CIMIP7: variants seen among roughly 807,000 people sequenced by gnomAD.
CIMIP7 encodes ciliary microtubule inner protein 7.
the CIMIP7 span, chr3:49,190,170 A>C: frequency 1.1e-4 from 159 of 1,490,002 alleles, no homozygotes; most frequent in Non-Finnish European, 1.3e-4. Context: ...GATAAAACTC[A>C]CTCAAATCTC....
At chr3:49,185,272 A>G in the CIMIP7 span, among the ~76,000 whole-genome samples, 1 of 151,196 alleles carries the variant, frequency 6.6e-6, no homozygotes, top group Non-Finnish European at 1.5e-5. Flanking sequence ...AAGAAAAAAA[A>G]AAATTACATA....
the CIMIP7 span, among the ~76,000 whole-genome samples, chr3:49,182,095 G>A: frequency 6.6e-6 from 1 of 152,188 alleles, no homozygotes; most frequent in Non-Finnish European, 1.5e-5. Flanking sequence ...AGACCTTCGT[G>A]GTGAGTGTTA....
the CIMIP7 span, among the ~76,000 whole-genome samples, chr3:49,178,717 G>A: frequency 6.6e-6 from 1 of 152,092 alleles, no homozygotes; most frequent in Non-Finnish European, 1.5e-5. Context: ...CTTCAGTCCT[G>A]GGATATCTCA....
the CIMIP7 span, chr3:49,189,995 AC>A: frequency 6.5e-7 from 1 of 1,546,900 alleles, no homozygotes; most frequent in Non-Finnish European, 8.9e-7. Flanking sequence ...TGGTCTAGTC[AC>A]CCCCGCTGCC....
At chr3:49,181,975 G>A in the CIMIP7 span, among the ~76,000 whole-genome samples, 74 of 152,276 alleles carry the variant, frequency 4.9e-4, no homozygotes, top group African/African-American at 1.8e-3. Context: ...GCTCAGGAGT[G>A]AAGCTGCAGA....
chr3:49,177,841 T>C, the CIMIP7 span: 4 of 1,613,168 alleles, frequency 2.5e-6, no homozygotes, highest in Admixed American at 1.7e-5. Context: ...GGTCCTGGTA[T>C]GGGAAGGCTG....
chr3:49,190,663 A>T, the CIMIP7 span, among the ~76,000 whole-genome samples: 2 of 99,992 alleles, frequency 2.0e-5, no homozygotes, highest in African/African-American at 4.1e-5. Flanking sequence ...GCCAGGCTGA[A>T]TTTTTTTTTT....
the CIMIP7 span, among the ~76,000 whole-genome samples, chr3:49,190,747 C>A: frequency 2.7e-5 from 4 of 147,870 alleles, no homozygotes; most frequent in African/African-American, 1.0e-4. Context: ...TGGTTCACTG[C>A]AACCTCTGCC....
At chr3:49,182,810 C>T in the CIMIP7 span, among the ~76,000 whole-genome samples, 11 of 152,180 alleles carry the variant, frequency 7.2e-5, no homozygotes, top group South Asian at 2.1e-4. Context: ...AGCCCTGCCC[C>T]GCGGGAAGGC....
the CIMIP7 span, chr3:49,189,781 C>CCCGG: frequency 1.6e-6 from 1 of 635,824 alleles, no homozygotes; most frequent in Non-Finnish European, 3.0e-6. Context: ...AGCTACCCAC[C>CCCGG]CCGGCTAGGC....
chr3:49,179,746 CAT>C, the CIMIP7 span, among the ~76,000 whole-genome samples: 1 of 152,220 alleles, frequency 6.6e-6, no homozygotes, highest in Non-Finnish European at 1.5e-5. Flanking sequence ...CGCCATTAAA[CAT>C]AAGCTGCTTG....
At chr3:49,191,169 C>T in the CIMIP7 span, among the ~76,000 whole-genome samples, 1 of 152,186 alleles carries the variant, frequency 6.6e-6, no homozygotes, top group East Asian at 1.9e-4. Context: ...AATTATAACA[C>T]TGAGCAGAAG....
chr3:49,183,231 A>G, the CIMIP7 span, among the ~76,000 whole-genome samples: 10 of 152,342 alleles, frequency 6.6e-5, no homozygotes, highest in East Asian at 1.9e-3. Flanking sequence ...AACCACAATA[A>G]GATATCACTA....
At chr3:49,177,965 A>G in the CIMIP7 span, 2 of 1,613,574 alleles carry the variant, frequency 1.2e-6, no homozygotes, top group South Asian at 1.1e-5. Context: ...TCTATCTCAC[A>G]GGGTGCCCAG....
chr3:49,186,821 C>T, the CIMIP7 span, among the ~76,000 whole-genome samples: 1 of 152,176 alleles, frequency 6.6e-6, no homozygotes, highest in Admixed American at 6.6e-5. Context: ...TGTCAATGTC[C>T]TTGTTGTGAT....
chr3:49,184,965 AGATT>A, the CIMIP7 span, among the ~76,000 whole-genome samples: 1 of 151,654 alleles, frequency 6.6e-6, no homozygotes, highest in Non-Finnish European at 1.5e-5. Context: ...TAGAAATGGA[AGATT>A]GATTGATTTA....
the CIMIP7 span, among the ~76,000 whole-genome samples, chr3:49,182,214 C>A: frequency 2.0e-5 from 3 of 152,210 alleles, no homozygotes; most frequent in African/African-American, 7.2e-5. Flanking sequence ...AGCGGGTTGC[C>A]ACTGCTGGCT....
the CIMIP7 span, among the ~76,000 whole-genome samples, chr3:49,183,341 T>C: frequency 6.6e-6 from 1 of 152,326 alleles, no homozygotes; most frequent in African/African-American, 2.4e-5. Flanking sequence ...GGTAGGAATA[T>C]AAAGTGGTAA....
At chr3:49,191,576 C>G in the CIMIP7 span, 1 of 749,056 alleles carries the variant, frequency 1.3e-6, no homozygotes, top group Non-Finnish European at 2.4e-6. Flanking sequence ...GAAGACTAGG[C>G]AGCCTCCAGG....
Sources: gnomAD v4.1 joint callset for allele counts (sites outside exome capture counted in the v4.1 genomes callset) on GRCh38, gnomAD v4.1.1 for gene constraint, MANE v1.5 for transcripts, NCBI Gene and HGNC (gene_info 2026-07-23, HGNC 2026-07-21) for gene names.